Variants in COL18A1 observed in about 807,000 individuals in gnomAD.
COL18A1 encodes the protein collagen alpha-1(XVIII) chain.
In COL18A1, 133 loss-of-function variants were observed where a neutral mutation model predicts 168.0. The observed-to-expected ratio is 0.79, with a 90% CI of 0.69 to 0.91. The LOEUF (loss-of-function observed/expected upper bound fraction) is 0.91. Among genes scored for constraint, COL18A1 ranks in the 40% least tolerant of loss-of-function variants. COL18A1 has a pLI of 0.00. For missense variants in COL18A1, 2,126 were observed against 1,925.4 expected, an observed-to-expected ratio of 1.10 and a Z score of -1.95; for synonymous variants, 949 against 809.0, an observed-to-expected ratio of 1.17 and a Z score of -2.94.
At chr21:45,485,781 G>A (rs549953424) in intron 15 of COL18A1, among the ~76,000 whole-genome samples, 1 of 152,316 alleles carries the variant, frequency 6.6e-6, no homozygotes, top group Non-Finnish European at 1.5e-5. Context: ...TGGGGGACAT[G>A]GGAAGCAGGA....
Position 45,426,533 on chromosome 21 carries a change from C to T in COL18A1, c.106+21060C>T, listed in dbSNP as rs529057742. 2.3e-4 allele frequency among the ~76,000 whole-genome samples: 35 copies of T among 152,344 alleles called. 1 individual carries two copies. Among genetic ancestry groups the T allele is most frequent in the Middle Eastern group, 3.4e-3 (1 of 294 alleles). On this transcript the variant is annotated intron_variant, in intron 2 of 41. Transcript: ENST00000651438. ...AAACCCCTGCAGCGCTCCCCCATCA[C>T]GTCCGGCCCTGGAAGCCCCCGGAAA...
chr21:45,476,712 ATG>A (rs973679641), intron 6 of COL18A1, among the ~76,000 whole-genome samples: 6 of 148,610 alleles, frequency 4.0e-5, no homozygotes, highest in Non-Finnish European at 7.4e-5. Flanking sequence ...TGTGATGTGT[ATG>A]TAGTGTGTAT....
At chr21:45,470,425 C>CTTTTTTTTTTT (rs1195744330) in intron 3 of COL18A1, among the ~76,000 whole-genome samples, 7 of 37,112 alleles carry the variant, frequency 1.9e-4, no homozygotes, top group African/African-American at 4.5e-4. Flanking sequence ...TTTACCTTGT[C>CTTTTTTTTTTT]TTTTTTTTTT....
At chr21:45,439,930 T>A (rs2034323220) in intron 2 of COL18A1, among the ~76,000 whole-genome samples, 1 of 152,222 alleles carries the variant, frequency 6.6e-6, no homozygotes, top group South Asian at 2.1e-4. Flanking sequence ...TCTGATGACT[T>A]CCTGAGCGAA....
chr21:45,493,659 C>T lies in COL18A1; in HGVS notation c.2352+84C>T, dbSNP rs114470393. On this transcript the variant is annotated intron_variant, in intron 26 of 41. Coordinates refer to ENST00000651438, the MANE Select transcript of COL18A1 (RefSeq NM_001379500.1). The stretch of plus-strand genomic sequence containing the variant: ...GCCTGGGGAGGGTCTTCCTGAGGGT[C>T]TGGCTCCTGATGCACGAGCCTCTCC... 1.1e-3 allele frequency: 1,175 copies of T among 1,039,512 alleles called. 4 individuals carry two copies. In the African/African-American group the frequency reaches 0.017, roughly 15 times the overall value. The allele number at this position is 1,039,512 out of a possible 1,614,324, so 64.4% of individuals were successfully genotyped here.
intron 2 of COL18A1, among the ~76,000 whole-genome samples, chr21:45,441,676 G>A (rs1415262294): frequency 6.6e-6 from 1 of 152,228 alleles, no homozygotes; most frequent in Admixed American, 6.5e-5. Flanking sequence ...CCCATGTTCT[G>A]CCGCTGGCTC....
intron 32 of COL18A1, among the ~76,000 whole-genome samples, chr21:45,503,768 C>T (rs972826412): frequency 1.3e-5 from 2 of 151,206 alleles, no homozygotes; most frequent in African/African-American, 2.4e-5. Flanking sequence ...CACATGTACC[C>T]TAAAACTTAA....
chr21:45,432,065 G>GCCCACCTCGGTC (rs1569284810), intron 2 of COL18A1, among the ~76,000 whole-genome samples: 2 of 152,226 alleles, frequency 1.3e-5, no homozygotes, highest in African/African-American at 2.4e-5. Context: ...CCTGGGCGGT[G>GCCCACCTCGGTC]CCCACCTCGG....
chr21:45,503,203 C>T (rs763195938), intron 32 of COL18A1, among the ~76,000 whole-genome samples: 1 of 152,164 alleles, frequency 6.6e-6, no homozygotes, highest in Non-Finnish European at 1.5e-5. Context: ...TAAAAGTGTT[C>T]CTATTTCTCT....
intron 2 of COL18A1, among the ~76,000 whole-genome samples, chr21:45,452,922 T>C (rs868231928): frequency 6.6e-5 from 10 of 152,242 alleles, no homozygotes; most frequent in Non-Finnish European, 1.2e-4. Context: ...TGTGTGTGAG[T>C]ATTCACATGT....
intron 2 of COL18A1, among the ~76,000 whole-genome samples, chr21:45,410,760 G>A (rs2033266386): frequency 6.6e-6 from 1 of 152,256 alleles, no homozygotes; most frequent in Admixed American, 6.5e-5. Context: ...GGGGGCAGGA[G>A]AGGCACTGTC....
chr21:45,469,479 T>C (rs1247282900), intron 3 of COL18A1, among the ~76,000 whole-genome samples: 2 of 152,188 alleles, frequency 1.3e-5, no homozygotes, highest in Non-Finnish European at 2.9e-5. Context: ...GAGCACGTGG[T>C]GGGAGTCCCC....
chr21:45,488,035 C>T (rs944677454), intron 17 of COL18A1, among the ~76,000 whole-genome samples: 8 of 152,186 alleles, frequency 5.3e-5, no homozygotes, highest in Non-Finnish European at 1.0e-4. Flanking sequence ...TCCTCCCCTG[C>T]CCCCACTGTC....
At position 45,405,431 on chromosome 21, in the gene COL18A1, CT is replaced by C; in HGVS notation, c.65del (p.Leu22ArgfsTer102). The C allele has an allele frequency of 7.3e-7, 1 of 1,374,534 alleles. No homozygotes were observed. Among genetic ancestry groups the C allele is most frequent in the Non-Finnish European group, 9.5e-7 (1 of 1,055,966 alleles). The allele number at this position is 1,374,534 out of a possible 1,614,324, so 85.1% of individuals were successfully genotyped here. A position where few individuals can be genotyped will look rare whatever the true frequency, so the allele number is the denominator to read the frequency against. The stretch of plus-strand genomic sequence containing the variant: ...GCGCCTCCTGGACGTGCTCGCGCCC[CT>C]GGTCCTGCTGCTCGGGGTCCGCGCG... Reference protein sequence around the residue: ...RRRLLDVLAPLVLLLGVRAAS... With the variant: ...RRRLLDVLAPXVLLLGVRAAS... On this transcript the variant is annotated frameshift_variant, in exon 2 of 42. Coordinates refer to ENST00000651438, the MANE Select transcript of COL18A1 (RefSeq NM_001379500.1). LOFTEE classifies it high-confidence loss of function.
intron 2 of COL18A1, among the ~76,000 whole-genome samples, chr21:45,451,785 C>G (rs1173162749): frequency 6.6e-6 from 1 of 152,158 alleles, no homozygotes; most frequent in African/African-American, 2.4e-5. Flanking sequence ...TCACCCAGGT[C>G]CTGCGCACCC....
chr21:45,506,392 A>G (rs2037206809), intron 37 of COL18A1: 1 of 333,792 alleles, frequency 3.0e-6, no homozygotes, highest in African/African-American at 2.1e-5. Context: ...CCGCGTTATA[A>G]ACACCAAGGT....
At chr21:45,503,864 C>G (rs2037018944) in intron 32 of COL18A1, 147 bp from the exon 33 acceptor site, 1 of 658,966 alleles carries the variant, frequency 1.5e-6, no homozygotes, top group African/African-American at 1.8e-5. Context: ...TATCGGTTAA[C>G]TAGGAAGAAC....
At chr21:45,484,497 CACAT>C (rs200073513) in intron 15 of COL18A1, among the ~76,000 whole-genome samples, 15,958 of 150,972 alleles carry the variant, frequency 0.11, 1,260 homozygotes, top group African/African-American at 0.22. Context: ...TGCACACACA[CACAT>C]GCACCTCTCC....
rs1037741184 is a variant in COL18A1 at position 45,414,079 on chromosome 21, A to AGGG, written c.106+8609_106+8611dup. On this transcript the variant is annotated intron_variant, in intron 2 of 41. Transcript: ENST00000651438. Reference sequence around the variant, plus strand: ...GTGGAGGAGGAGGATCGGGAGGAGGAGGGGGAGGCCCTTTCTGTATTGGAT... The same window carrying AGGG: ...GTGGAGGAGGAGGATCGGGAGGAGGAGGGGGGGGAGGCCCTTTCTGTATTGGAT... 3.9e-5 allele frequency among the ~76,000 whole-genome samples: 6 copies of AGGG among 152,196 alleles called. No individual in the cohort carries two copies. The South Asian group carries it at 1.2e-3, about 32-fold the overall frequency.
Sources: allele counts gnomAD v4.1 joint callset (sites outside exome capture counted in the v4.1 genomes callset), GRCh38; gene constraint gnomAD v4.1.1; transcripts MANE v1.5; gene names NCBI Gene and HGNC (gene_info 2026-07-23, HGNC 2026-07-21).